DMD: variants seen among roughly 807,000 people sequenced by gnomAD.
DMD encodes the protein mutant dystrophin.
DMD carries 63 observed loss-of-function variants against 330.1 expected under a neutral mutation model. The observed-to-expected ratio is 0.19, with a 90% confidence interval of 0.16 to 0.24. The LOEUF is 0.24. Ranked by LOEUF, DMD falls within the 10% of genes least tolerant of loss-of-function variation. DMD has a pLI of 1.00. For synonymous variants in DMD, 1,223 were observed against 959.8 expected, an observed-to-expected ratio of 1.27 and a Z score of -5.07; for missense variants, 3,344 against 2,684.1, an observed-to-expected ratio of 1.25 and a Z score of -5.43.
chrX:32,984,878 G>A (rs2092804430), intron 2 of DMD, among the ~76,000 whole-genome samples: 1 of 111,405 alleles, frequency 9.0e-6, no homozygotes, highest in South Asian at 3.8e-4. Context: ...CATGGATAAA[G>A]AAATATCCTT....
chrX:31,899,057 G>C (rs1259846909), intron 47 of DMD, among the ~76,000 whole-genome samples: 1 of 111,522 alleles, frequency 9.0e-6, no homozygotes, highest in Non-Finnish European at 1.9e-5. Context: ...AGACAATATA[G>C]GTAAAATGTA....
intron 9 of DMD, among the ~76,000 whole-genome samples, chrX:32,696,268 T>G (rs2063648855): frequency 1.8e-5 from 2 of 111,913 alleles, no homozygotes; most frequent in African/African-American, 6.5e-5. Context: ...AAATAAATGT[T>G]CTTAGTGTGA....
At chrX:32,488,181 A>C (rs1415620769) in intron 20 of DMD, among the ~76,000 whole-genome samples, 2 of 112,286 alleles carry the variant, frequency 1.8e-5, no homozygotes, top group Non-Finnish European at 3.8e-5. Flanking sequence ...TTTCAACTGA[A>C]GTATTCTGTG....
At chrX:32,764,436 A>G (rs2072717425) in intron 7 of DMD, among the ~76,000 whole-genome samples, 1 of 111,179 alleles carries the variant, frequency 9.0e-6, no homozygotes, top group South Asian at 3.7e-4. Flanking sequence ...AAAACTTCAT[A>G]TCCATTAAAT....
At chrX:31,968,051 T>G (rs982087190) in intron 45 of DMD, among the ~76,000 whole-genome samples, 2 of 111,904 alleles carry the variant, frequency 1.8e-5, no homozygotes, top group African/African-American at 6.5e-5. Flanking sequence ...TTCAGCTTGT[T>G]GAAGTTAAAA....
chrX:31,624,715 T>C (rs766933615), intron 55 of DMD, among the ~76,000 whole-genome samples: 3 of 111,696 alleles, frequency 2.7e-5, no homozygotes, highest in Non-Finnish European at 5.6e-5. Context: ...TTTTTTAATA[T>C]ATGAGAACTA....
chrX:33,210,475 C>T (rs1201346864), intron 1 of DMD, among the ~76,000 whole-genome samples: 1 of 110,399 alleles, frequency 9.1e-6, no homozygotes, highest in African/African-American at 3.3e-5. Flanking sequence ...TAAAAATAAA[C>T]GAAATAGTTG....
intron 45 of DMD, among the ~76,000 whole-genome samples, chrX:31,953,178 C>A (rs1444470786): frequency 8.9e-6 from 1 of 112,535 alleles, no homozygotes; most frequent in African/African-American, 3.2e-5. Flanking sequence ...CCTCATTTTG[C>A]AGATATGCTG....
At chrX:33,150,376 C>A (rs1435971181) in intron 1 of DMD, among the ~76,000 whole-genome samples, 2 of 105,235 alleles carry the variant, frequency 1.9e-5, no homozygotes, top group Admixed American at 1.0e-4. Flanking sequence ...CTCACTGCAA[C>A]CTCTGCCTTC....
At chrX:32,074,922 A>C (rs1039236512) in intron 44 of DMD, among the ~76,000 whole-genome samples, 20 of 110,897 alleles carry the variant, frequency 1.8e-4, no homozygotes, top group Non-Finnish European at 3.4e-4. Context: ...AGGAAAAGAG[A>C]GCTGAGTGGA....
chrX:32,401,172 G>A (rs1386974455), intron 30 of DMD, among the ~76,000 whole-genome samples: 3 of 88,544 alleles, frequency 3.4e-5, no homozygotes, highest in African/African-American at 1.3e-4. Context: ...CACACACCGG[G>A]GACTGTTGTG....
At chrX:32,300,820 A>G (rs2097520473) in intron 42 of DMD, among the ~76,000 whole-genome samples, 1 of 111,153 alleles carries the variant, frequency 9.0e-6, no homozygotes, top group South Asian at 3.7e-4. Flanking sequence ...GAAAAATTCC[A>G]AAGCAATACA....
At chrX:31,836,261 G>A (rs1280463126) in intron 49 of DMD, among the ~76,000 whole-genome samples, 1 of 112,131 alleles carries the variant, frequency 8.9e-6, no homozygotes, top group Admixed American at 9.5e-5. Flanking sequence ...CCTCAATGCC[G>A]ATTTTACTCT....
At chrX:31,160,578 G>A (rs1241826364) in intron 74 of DMD, among the ~76,000 whole-genome samples, 1 of 111,696 alleles carries the variant, frequency 9.0e-6, no homozygotes, top group Non-Finnish European at 1.9e-5. Context: ...AGTTGGGCTC[G>A]AGGTCAAGTA....
At chrX:31,395,394 C>T (rs757803743) in intron 60 of DMD, among the ~76,000 whole-genome samples, 1 of 112,081 alleles carries the variant, frequency 8.9e-6, no homozygotes, top group African/African-American at 3.2e-5. Context: ...TACCCCATCC[C>T]CTTTGTTTTC....
intron 11 of DMD, among the ~76,000 whole-genome samples, chrX:32,639,908 C>A (rs956472672): frequency 9.1e-6 from 1 of 110,039 alleles, no homozygotes; most frequent in African/African-American, 3.3e-5. Flanking sequence ...AAGTAAAAAA[C>A]ATCTATGAGG....
chrX:31,363,704 T>A (rs973958653), intron 60 of DMD, among the ~76,000 whole-genome samples: 3 of 111,958 alleles, frequency 2.7e-5, no homozygotes, highest in Non-Finnish European at 5.6e-5. Context: ...TAGAGCAAGG[T>A]TTCTCAACTT....
intron 1 of DMD, among the ~76,000 whole-genome samples, chrX:33,117,676 G>A (rs149007515): frequency 0.029 from 3,183 of 111,114 alleles, 124 homozygotes; most frequent in African/African-American, 0.099. Flanking sequence ...AAGCCACAGG[G>A]TAAGCAGTAA....
At chrX:31,930,222 C>A (rs1299666200) in intron 46 of DMD, among the ~76,000 whole-genome samples, 1 of 110,637 alleles carries the variant, frequency 9.0e-6, no homozygotes, top group Non-Finnish European at 1.9e-5. Context: ...AACCTTTTCA[C>A]ATTTATTATC....
Sources: gnomAD v4.1 joint callset for allele counts (sites outside exome capture counted in the v4.1 genomes callset) on GRCh38, gnomAD v4.1.1 for gene constraint, MANE v1.5 for transcripts, NCBI Gene and HGNC (gene_info 2026-07-23, HGNC 2026-07-21) for gene names.